Variants in JHY observed in about 807,000 individuals in gnomAD.
JHY encodes junctional cadherin complex regulator, also known as jhy protein homolog.
A neutral mutation model predicts 78.0 loss-of-function variants in JHY; 69 were observed. The ratio of observed to expected loss-of-function variants is 0.88; its 90% CI spans 0.73 to 1.08. JHY has a LOEUF of 1.08. Among genes scored for constraint, JHY ranks in the 50% least tolerant of loss-of-function variants. The probability of loss-of-function intolerance (pLI) is 0.00; values close to 1 mark genes in which losing one functional copy is unlikely to be tolerated. For synonymous variants in JHY, 368 were observed against 342.6 expected (o/e 1.07, Z -0.82); for missense variants, 944 against 927.8 (o/e 1.02, Z -0.23).
intron 2 of JHY, among the ~76,000 whole-genome samples, chr11:122,890,606 T>C (rs1183425825): frequency 6.6e-6 from 1 of 152,210 alleles, no homozygotes; most frequent in Non-Finnish European, 1.5e-5. Context: ...TGGGTTTTTT[T>C]CTCCTTTTGT....
intron 3 of JHY, among the ~76,000 whole-genome samples, chr11:122,919,695 G>A (rs1159620398): frequency 1.3e-5 from 2 of 151,850 alleles, no homozygotes; most frequent in South Asian, 2.1e-4. Flanking sequence ...CAAAAGTTTC[G>A]TGGCCAGGCA....
chr11:122,887,162 G>GT (rs1862511938), intron 2 of JHY, among the ~76,000 whole-genome samples: 1 of 152,290 alleles, frequency 6.6e-6, no homozygotes, highest in Non-Finnish European at 1.5e-5. Flanking sequence ...CTTACTAGCT[G>GT]TATAACCTTG....
intron 3 of JHY, among the ~76,000 whole-genome samples, chr11:122,920,997 C>A (rs1863351504): frequency 6.6e-6 from 1 of 151,148 alleles, no homozygotes; most frequent in Non-Finnish European, 1.5e-5. Context: ...TTCATTTGAT[C>A]ATTTTCTCGA....
chr11:122,954,373 T>A (rs916738630), intron 6 of JHY, among the ~76,000 whole-genome samples: 4 of 152,194 alleles, frequency 2.6e-5, no homozygotes, highest in African/African-American at 9.6e-5. Context: ...TTTGAACATC[T>A]ACAGTGGGAA....
At chr11:122,912,790 T>C (rs1437788141) in intron 3 of JHY, among the ~76,000 whole-genome samples, 1 of 152,016 alleles carries the variant, frequency 6.6e-6, no homozygotes, top group South Asian at 2.1e-4. Context: ...AAACCTCACC[T>C]CACCTTCCTC....
rs746364180 is a variant in JHY at position 122,903,936 on chromosome 11, T to C, written c.356T>C (p.Ile119Thr). The change falls in exon 3 of 9, where the codon ATA (isoleucine) becomes ACA (threonine). Residue 119 changes from isoleucine to threonine, a missense_variant. Transcript: ENST00000227349. ...TCTGCTTTGGGCAGGCAACAACCAA[T>C]AGAAGACAAATATTCAGACCTCCGC... is the stretch of plus-strand genomic sequence containing the variant. ...DQGANNRQQP[I>T]EDKYSDLRYD... 3 of 1,586,058 alleles carry C rather than the reference T, an allele frequency of 1.9e-6. No homozygotes were observed. Among genetic ancestry groups the C allele is most frequent in the Non-Finnish European group, 2.6e-6 (3 of 1,164,202 alleles).
intron 8 of JHY, among the ~76,000 whole-genome samples, chr11:122,957,956 G>A (rs989424797): frequency 3.3e-5 from 5 of 152,108 alleles, no homozygotes; most frequent in Non-Finnish European, 7.4e-5. Flanking sequence ...AAATGAGCAA[G>A]CTTCATCATC....
intron 4 of JHY, among the ~76,000 whole-genome samples, chr11:122,927,498 C>T (rs1030055372): frequency 6.6e-6 from 1 of 152,194 alleles, no homozygotes. Context: ...CTCTGGGACA[C>T]AGACACTTTA....
chr11:122,904,062 C>T lies in JHY; in HGVS notation c.482C>T (p.Ala161Val). 1.2e-6 allele frequency: 2 copies of T among 1,614,162 alleles called. No homozygotes were observed. Among genetic ancestry groups the T allele is most frequent in the Non-Finnish European group, 1.7e-6 (2 of 1,180,032 alleles). Residue 161 changes from alanine to valine, a missense_variant, in exon 3 of 9, where the codon GCT becomes GTT. Transcript: ENST00000227349. ...AGCTCTTTAGAAAATCTGCCTTTGG[C>T]TCCCCTCTACCCTTCCCAGGAGACG... Reference protein sequence around the residue: ...TDSSLENLPLAPLYPSQETSM... With the variant: ...TDSSLENLPLVPLYPSQETSM...
At chr11:122,942,333 T>C (rs1318651339) in intron 5 of JHY, among the ~76,000 whole-genome samples, 1 of 152,228 alleles carries the variant, frequency 6.6e-6, no homozygotes, top group African/African-American at 2.4e-5. Context: ...GTTTTGGTTT[T>C]GTTTTCTCTT....
intron 2 of JHY, among the ~76,000 whole-genome samples, chr11:122,893,658 TC>T (rs1427162467): frequency 6.6e-6 from 1 of 152,214 alleles, no homozygotes; most frequent in East Asian, 1.9e-4. Context: ...CTTTGCCTCT[TC>T]ATTTATTTCT....
At chr11:122,894,346 A>G (rs1288692337) in intron 2 of JHY, among the ~76,000 whole-genome samples, 4 of 151,970 alleles carry the variant, frequency 2.6e-5, no homozygotes, top group African/African-American at 9.7e-5. Context: ...AACAAAAACA[A>G]AAAGCCACGT....
At chr11:122,908,434 T>C (rs1863039824) in intron 3 of JHY, among the ~76,000 whole-genome samples, 1 of 152,226 alleles carries the variant, frequency 6.6e-6, no homozygotes, top group Non-Finnish European at 1.5e-5. Context: ...CAGATTGTGA[T>C]CCAGTAGGTC....
intron 3 of JHY, among the ~76,000 whole-genome samples, chr11:122,913,231 C>T (rs571935691): frequency 6.3e-4 from 96 of 152,230 alleles, no homozygotes; most frequent in African/African-American, 2.0e-3. Context: ...GATTACAGAA[C>T]GCTACAATCT....
intron 3 of JHY, 127 bp downstream of exon 3, chr11:122,904,571 A>G: frequency 9.4e-7 from 1 of 1,065,966 alleles, no homozygotes; most frequent in Non-Finnish European, 1.4e-6. Context: ...GGGTAAAACA[A>G]ACGCTTCCAT....
At chr11:122,911,739 C>T (rs577712081) in intron 3 of JHY, among the ~76,000 whole-genome samples, 34 of 150,362 alleles carry the variant, frequency 2.3e-4, no homozygotes, top group African/African-American at 8.3e-4. Context: ...AACCCCATCT[C>T]TACTAAAAAT....
At position 122,956,563 on chromosome 11, in the gene JHY, C is replaced by T. The variant is rs762417851; in HGVS notation, c.1997C>T (p.Ser666Phe). 1.5e-5 allele frequency: 24 copies of T among 1,613,224 alleles called. No homozygotes were observed. The South Asian group carries it at 2.5e-4, about 17-fold the overall frequency. ...GGAGGCCTCGGACCTGACTTTGAGTCCATCAGAGACAAAGTGAGTGAGATG... is the reference window on the plus strand; with the variant it reads ...GGAGGCCTCGGACCTGACTTTGAGTTCATCAGAGACAAAGTGAGTGAGATG... Reference protein sequence around the residue: ...KLGGLGPDFESIRDKTQKLIQ... With the variant: ...KLGGLGPDFEFIRDKTQKLIQ... Residue 666 changes from serine (S) to phenylalanine (F), a missense_variant, in exon 7 of 9, where the codon TCC becomes TTC. Physicochemically the swap from Ser to Phe is radical, Grantham distance 155. Transcript: ENST00000227349.
At chr11:122,902,283 C>G (rs1224026198) in intron 2 of JHY, among the ~76,000 whole-genome samples, 2 of 151,582 alleles carry the variant, frequency 1.3e-5, no homozygotes, top group Non-Finnish European at 2.9e-5. Context: ...ATGGCAAAAC[C>G]CTGTCTCTAC....
intron 4 of JHY, among the ~76,000 whole-genome samples, chr11:122,928,710 A>G (rs921982260): frequency 6.6e-6 from 1 of 152,144 alleles, no homozygotes; most frequent in Non-Finnish European, 1.5e-5. Context: ...GTGCAGTGGC[A>G]CAATCTCGGC....
Sources: gnomAD v4.1 joint callset for allele counts (sites outside exome capture counted in the v4.1 genomes callset) on GRCh38, gnomAD v4.1.1 for gene constraint, MANE v1.5 for transcripts, NCBI Gene and HGNC (gene_info 2026-07-23, HGNC 2026-07-21) for gene names.